ZBTB16: variants seen among roughly 807,000 people sequenced by gnomAD.
ZBTB16 encodes the protein zinc finger and BTB domain containing 16.
A neutral mutation model predicts 56.8 loss-of-function variants in ZBTB16; 8 were observed. The ratio of observed to expected loss-of-function variants is 0.14; its 90% CI spans 0.08 to 0.25. The LOEUF is 0.25. Ranked by LOEUF, ZBTB16 falls within the 10% of genes least tolerant of loss-of-function variation. The pLI, the probability that ZBTB16 is intolerant of heterozygous loss-of-function variation, is 1.00. For synonymous variants in ZBTB16, 363 were observed against 368.5 expected (o/e 0.98, Z 0.17); for missense variants, 625 against 903.0 (o/e 0.69, Z 3.95).
intron 3 of ZBTB16, among the ~76,000 whole-genome samples, chr11:114,160,017 G>T (rs1942541833): frequency 6.6e-6 from 1 of 151,620 alleles, no homozygotes. Context: ...GGTTGTGGTT[G>T]CCCCCCTAAA....
intron 2 of ZBTB16, among the ~76,000 whole-genome samples, chr11:114,106,223 T>C (rs1046209167): frequency 1.3e-5 from 2 of 152,082 alleles, no homozygotes; most frequent in African/African-American, 4.8e-5. Context: ...CTTTCTGAAG[T>C]GTTCCGTAGC....
intron 2 of ZBTB16, among the ~76,000 whole-genome samples, chr11:114,114,454 A>G (rs542239717): frequency 3.9e-4 from 60 of 152,324 alleles, no homozygotes; most frequent in African/African-American, 1.4e-3. Flanking sequence ...TTTGCTGCTG[A>G]GTTCCAGGCT....
chr11:114,084,812 C>A (rs1022488342), intron 2 of ZBTB16, among the ~76,000 whole-genome samples: 1 of 152,222 alleles, frequency 6.6e-6, no homozygotes, highest in African/African-American at 2.4e-5. Context: ...AGATGAGCTG[C>A]TGTTCAGGCA....
chr11:114,076,579 T>G (rs1189884502), intron 2 of ZBTB16, among the ~76,000 whole-genome samples: 1 of 152,200 alleles, frequency 6.6e-6, no homozygotes, highest in Non-Finnish European at 1.5e-5. Context: ...ATCTGCTAAA[T>G]TAAGGATCCG....
At chr11:114,188,498 G>A (rs1300697558) in intron 4 of ZBTB16, 5 of 152,226 alleles carry the variant, frequency 3.3e-5, no homozygotes, top group African/African-American at 4.8e-5. Context: ...CTACCTCATA[G>A]CATTAGGGTT....
intron 2 of ZBTB16, among the ~76,000 whole-genome samples, chr11:114,154,679 C>T (rs1778990710): frequency 1.3e-5 from 2 of 152,076 alleles, no homozygotes; most frequent in African/African-American, 4.8e-5. Flanking sequence ...ATCAGCATGG[C>T]AAGGAGCAAG....
chr11:114,113,715 TCC>T (rs1941087693), intron 2 of ZBTB16, among the ~76,000 whole-genome samples: 1 of 152,194 alleles, frequency 6.6e-6, no homozygotes, highest in Admixed American at 6.5e-5. Flanking sequence ...TTCTTTGAAA[TCC>T]CTTATTCTAC....
At chr11:114,160,347 G>T (rs752598554) in intron 3 of ZBTB16, among the ~76,000 whole-genome samples, 2 of 152,126 alleles carry the variant, frequency 1.3e-5, no homozygotes, top group African/African-American at 2.4e-5. Flanking sequence ...ATTGAATTCC[G>T]CAGAGATGTC....
intron 2 of ZBTB16, among the ~76,000 whole-genome samples, chr11:114,095,174 C>T (rs185077254): frequency 4.6e-5 from 7 of 150,814 alleles, no homozygotes; most frequent in Admixed American, 2.0e-4. Context: ...TCAGTCAATG[C>T]GCTCTTTAGG....
intron 4 of ZBTB16, among the ~76,000 whole-genome samples, chr11:114,196,499 C>T (rs1943615486): frequency 6.6e-6 from 1 of 152,158 alleles, no homozygotes; most frequent in Non-Finnish European, 1.5e-5. Context: ...CCTAGACTTA[C>T]CCTGGAGGAA....
chr11:114,238,252 T>C (rs972885080), intron 4 of ZBTB16, among the ~76,000 whole-genome samples: 1 of 152,244 alleles, frequency 6.6e-6, no homozygotes, highest in South Asian at 2.1e-4. Flanking sequence ...TTGGTCCCCA[T>C]GTGTGCCCAG....
At chr11:114,219,587 A>G (rs183476331) in intron 4 of ZBTB16, among the ~76,000 whole-genome samples, 4 of 151,944 alleles carry the variant, frequency 2.6e-5, no homozygotes, top group East Asian at 1.9e-4. Flanking sequence ...GGGCCTAGCT[A>G]TGTCCTGGGC....
intron 4 of ZBTB16, among the ~76,000 whole-genome samples, chr11:114,220,708 T>G (rs984083037): frequency 1.3e-5 from 2 of 152,212 alleles, no homozygotes; most frequent in Non-Finnish European, 2.9e-5. Flanking sequence ...TCCATTGCCT[T>G]GCAGTCACGG....
In ZBTB16 at chr11:114,115,341, C is replaced by CT. The variant is rs35873921; in HGVS notation, c.1269-40975dup. On this transcript the variant is annotated intron_variant, in intron 2 of 6. Coordinates refer to ENST00000335953, the MANE Select transcript of ZBTB16 (RefSeq NM_006006.6). ...GTGTTGTTTTCCTCCCTCCTTCCTCCTTTTTTTTTTTTTTTTTTTTTAAAC... is the reference window on the plus strand; with the variant it reads ...GTGTTGTTTTCCTCCCTCCTTCCTCCTTTTTTTTTTTTTTTTTTTTTTAAAC... 3.5e-3 allele frequency among the ~76,000 whole-genome samples: 448 copies of CT among 127,510 alleles called. 7 individuals are homozygous for CT. The South Asian group carries it at 0.039, about 11-fold the overall frequency. The allele number at this position is 127,510 out of a possible 152,430, so 83.7% of individuals were successfully genotyped here.
chr11:114,066,891 C>T (rs1939139967), intron 2 of ZBTB16, among the ~76,000 whole-genome samples: 1 of 151,864 alleles, frequency 6.6e-6, no homozygotes, highest in Admixed American at 6.6e-5. Context: ...CTGCCTCAGC[C>T]TCCTGAGTAG....
intron 3 of ZBTB16, among the ~76,000 whole-genome samples, chr11:114,163,948 G>A (rs778222551): frequency 2.0e-5 from 3 of 152,048 alleles, no homozygotes; most frequent in East Asian, 1.9e-4. Flanking sequence ...GTAGAGCATC[G>A]AGGCTTTAGA....
rs973949630 is a variant in ZBTB16, at chr11:114,064,732, T to C, written c.1268+164T>C. Reference sequence around the variant, plus strand: ...AAGTTCTGGCGGGGAGGGGAGCAGGTTTTTTAAAGTGTAGTGAGGGGGCCT... The same window carrying C: ...AAGTTCTGGCGGGGAGGGGAGCAGGCTTTTTAAAGTGTAGTGAGGGGGCCT... On this transcript the variant is annotated intron_variant, in intron 2 of 6. Coordinates refer to ENST00000335953, the MANE Select transcript of ZBTB16 (RefSeq NM_006006.6). This position sits in a 1 kb window ranked among gnomAD's most constrained non-coding sequence, Gnocchi z 4.2. 6.6e-6 allele frequency among the ~76,000 whole-genome samples: 1 copy of C among 151,832 alleles called. No individual in the cohort carries two copies. The highest frequency in any genetic ancestry group is 1.5e-5 in the Non-Finnish European group (1 of 67,888).
chr11:114,172,193 C>T (rs548831439), intron 3 of ZBTB16, among the ~76,000 whole-genome samples: 157 of 152,354 alleles, frequency 1.0e-3, no homozygotes, highest in African/African-American at 2.5e-3. Context: ...GTCCTGCGAC[C>T]GCACACAGCT....
intron 2 of ZBTB16, among the ~76,000 whole-genome samples, chr11:114,119,705 A>G (rs1941288297): frequency 6.6e-6 from 1 of 152,170 alleles, no homozygotes; most frequent in South Asian, 2.1e-4. Flanking sequence ...GAGCACCTGT[A>G]TCGTGTCAGT....
Sources: gnomAD v4.1 joint callset for allele counts (sites outside exome capture counted in the v4.1 genomes callset) on GRCh38, gnomAD v4.1.1 for gene constraint, Gnocchi (gnomAD v3.1) non-coding constraint, MANE v1.5 for transcripts, NCBI Gene and HGNC (gene_info 2026-07-23, HGNC 2026-07-21) for gene names.